ADGRD1: variants seen among roughly 807,000 people sequenced by gnomAD.
ADGRD1 encodes the protein G-protein coupled receptor 133.
A neutral mutation model predicts 113.4 loss-of-function variants in ADGRD1; 77 were observed. That is an observed-to-expected ratio of 0.68 (90% confidence interval 0.57 to 0.82). The LOEUF (loss-of-function observed/expected upper bound fraction) is 0.82. Among genes scored for constraint, ADGRD1 ranks in the 40% least tolerant of loss-of-function variants. The pLI is 0.00. For synonymous variants in ADGRD1, 474 were observed against 475.0 expected, an observed-to-expected ratio of 1.00 and a Z score of 0.03; for missense variants, 1,036 against 1,139.1, an observed-to-expected ratio of 0.91 and a Z score of 1.30.
intron 2 of ADGRD1, among the ~76,000 whole-genome samples, chr12:130,958,261 G>A (rs819119): frequency 0.46 from 67,093 of 145,624 alleles, 15,422 homozygotes; most frequent in Middle Eastern, 0.62. Context: ...GTGCAATGGC[G>A]TGATCTCAGC....
At chr12:131,131,686 C>A in intron 20 of ADGRD1, 39 bp from the exon 21 acceptor site, 1 of 1,433,828 alleles carries the variant, frequency 7.0e-7, no homozygotes, top group Non-Finnish European at 9.8e-7. Context: ...CAGGTGCAGC[C>A]CAGGCCCCCC....
chr12:130,958,821 C>T (rs1159105705), intron 2 of ADGRD1, among the ~76,000 whole-genome samples: 10 of 146,948 alleles, frequency 6.8e-5, no homozygotes, highest in Non-Finnish European at 1.2e-4. Flanking sequence ...CTATGAAAAG[C>T]GGCCAGTTTG....
chr12:130,972,189 T>C (rs1477011533), intron 4 of ADGRD1, among the ~76,000 whole-genome samples: 2 of 152,236 alleles, frequency 1.3e-5, no homozygotes, highest in Admixed American at 6.5e-5. Context: ...CTCTCGTATC[T>C]AGGCTTCAGG....
intron 13 of ADGRD1, among the ~76,000 whole-genome samples, chr12:131,021,799 C>T (rs948020826): frequency 2.0e-5 from 3 of 152,152 alleles, no homozygotes; most frequent in Admixed American, 1.3e-4. Flanking sequence ...CCCTGATCGC[C>T]GGGCTCAAAC....
chr12:130,958,294 G>A (rs61936890), intron 2 of ADGRD1, among the ~76,000 whole-genome samples: 32,945 of 150,698 alleles, frequency 0.22, 4,061 homozygotes, highest in East Asian at 0.52. Context: ...CTGCCCCCTG[G>A]GTTCTAGTGA....
intron 4 of ADGRD1, chr12:130,977,536 T>C (rs7958004): frequency 0.83 from 126,295 of 152,360 alleles, 53,280 homozygotes; most frequent in East Asian, 0.95. Context: ...TTGGGAAACG[T>C]GGTGGGCCAC....
chr12:131,087,971 G>A (rs566380008), intron 15 of ADGRD1, among the ~76,000 whole-genome samples: 10 of 152,322 alleles, frequency 6.6e-5, no homozygotes, highest in East Asian at 1.9e-4. Flanking sequence ...CTCTGCGGAC[G>A]GCCGTGACGC....
intron 2 of ADGRD1, among the ~76,000 whole-genome samples, chr12:130,963,181 G>A (rs374853144): frequency 1.7e-4 from 26 of 152,078 alleles, no homozygotes; most frequent in South Asian, 1.5e-3. Flanking sequence ...TTAGCCAGGC[G>A]TGGTGGCGGG....
chr12:131,084,214 A>G lies in ADGRD1; in HGVS notation c.1548-326A>G, dbSNP rs980073408. On this transcript the variant is annotated intron_variant, in intron 14 of 24. Transcript: ENST00000261654. This position sits in a 1 kb window ranked among gnomAD's most constrained non-coding sequence, Gnocchi z 4.5. Reference sequence around the variant, plus strand: ...TTCTCTAGGCGCAGGGCTGTGGGCCATGTGCGTTTCATTTTGTGCTGGGCT... The same window carrying G: ...TTCTCTAGGCGCAGGGCTGTGGGCCGTGTGCGTTTCATTTTGTGCTGGGCT... Among the ~76,000 whole-genome samples, 1 of 152,114 alleles carries G rather than the reference A, an allele frequency of 6.6e-6. No individual in the cohort carries two copies. The highest frequency in any genetic ancestry group is 1.5e-5 in the Non-Finnish European group (1 of 68,018).
intron 13 of ADGRD1, among the ~76,000 whole-genome samples, chr12:131,073,602 T>C (rs1885346325): frequency 6.6e-6 from 1 of 152,236 alleles, no homozygotes; most frequent in Non-Finnish European, 1.5e-5. Context: ...ACCTAGTCCA[T>C]TTTCTGTTGT....
chr12:131,045,883 T>C (rs7980294), intron 13 of ADGRD1, among the ~76,000 whole-genome samples: 56,661 of 151,474 alleles, frequency 0.37, 11,589 homozygotes, highest in South Asian at 0.49. Context: ...CTTGTCCATA[T>C]CCTTCCTGGT....
intron 13 of ADGRD1, among the ~76,000 whole-genome samples, chr12:131,066,103 A>G (rs1884699027): frequency 6.6e-6 from 1 of 152,152 alleles, no homozygotes; most frequent in Non-Finnish European, 1.5e-5. Flanking sequence ...ACTGGAAGCA[A>G]ATTTGTGGGG....
At chr12:131,079,798 A>G (rs1004217831) in intron 14 of ADGRD1, among the ~76,000 whole-genome samples, 2 of 152,150 alleles carry the variant, frequency 1.3e-5, no homozygotes, top group African/African-American at 4.8e-5. Flanking sequence ...AGCCTTTTTC[A>G]TGCCTGAAGG....
At chr12:131,121,539 C>T (rs1263951055) in intron 20 of ADGRD1, among the ~76,000 whole-genome samples, 2 of 152,178 alleles carry the variant, frequency 1.3e-5, no homozygotes, top group Non-Finnish European at 2.9e-5. Context: ...CGCCACCACG[C>T]CCAGCTAATT....
chr12:131,027,865 T>A lies in ADGRD1; in HGVS notation c.1473+13525T>A, dbSNP rs1295571177. The A allele has an allele frequency of 1.3e-5, 2 of 152,176 alleles. No homozygotes were observed. The highest frequency in any genetic ancestry group is 4.8e-5 in the African/African-American group (2 of 41,426). 9.4% of individuals were successfully genotyped at this position (152,176 alleles called of 1,614,324 possible). A position where few individuals can be genotyped will look rare whatever the true frequency, so the allele number is the denominator to read the frequency against. ...GCGAACATACCCAAGAAATCACCCC[T>A]CAGGTCAAGAAGCAGCACACGGCCA... On this transcript the variant is annotated intron_variant, in intron 13 of 24. Coordinates refer to ENST00000261654, the MANE Select transcript of ADGRD1 (RefSeq NM_198827.5). The surrounding 1 kb of genome is among the most constrained non-coding windows in gnomAD (Gnocchi z 5.1).
At chr12:131,089,938 C>G (rs141016144) in intron 15 of ADGRD1, among the ~76,000 whole-genome samples, 6 of 152,360 alleles carry the variant, frequency 3.9e-5, no homozygotes, top group African/African-American at 1.4e-4. Flanking sequence ...GAACTAAAGC[C>G]CAGTGTGACT....
Position 130,968,751 on chromosome 12 carries a change from G to A in ADGRD1, c.187+2205G>A, listed in dbSNP as rs764427029. Reference sequence around the variant, plus strand: ...TGCGGCCAAATTCAGCAGCCATCACGCCCTGGTGTGGGAACTGAGTGGGGC... The same window carrying A: ...TGCGGCCAAATTCAGCAGCCATCACACCCTGGTGTGGGAACTGAGTGGGGC... On this transcript the variant is annotated intron_variant, in intron 3 of 24. Coordinates refer to ENST00000261654, the MANE Select transcript of ADGRD1 (RefSeq NM_198827.5). The A allele has an allele frequency of 3.3e-5, 18 of 539,330 alleles. No individual in the cohort carries two copies. In the Admixed American group the frequency reaches 3.5e-4, roughly 11 times the overall value. The allele number at this position is 539,330 out of a possible 1,614,324, so 33.4% of individuals were successfully genotyped here. A position where few individuals can be genotyped will look rare whatever the true frequency, so the allele number is the denominator to read the frequency against.
intron 15 of ADGRD1, among the ~76,000 whole-genome samples, chr12:131,103,672 T>G (rs1950151949): frequency 6.6e-6 from 1 of 152,232 alleles, no homozygotes; most frequent in South Asian, 2.1e-4. Context: ...CTTTTGTTCC[T>G]TTGTCCTGGT....
At position 131,027,790 on chromosome 12, in the gene ADGRD1, G is replaced by C. The variant is rs1340466981; in HGVS notation, c.1473+13450G>C. The C allele has an allele frequency of 1.3e-5, 2 of 152,154 alleles. No homozygotes were observed. The highest frequency in any genetic ancestry group is 1.3e-4 in the Admixed American group (2 of 15,280). The allele number at this position is 152,154 out of a possible 1,614,324, so 9.4% of individuals were successfully genotyped here. On this transcript the variant is annotated intron_variant, in intron 13 of 24. Coordinates refer to ENST00000261654, the MANE Select transcript of ADGRD1 (RefSeq NM_198827.5). The surrounding 1 kb of genome is among the most constrained non-coding windows in gnomAD (Gnocchi z 5.1). ...CAAACGTGTTATTGGAGTATAACAT[G>C]CCTGCAGAAAAGCACGTATATGTGT...
Sources: gnomAD v4.1 joint callset for allele counts (sites outside exome capture counted in the v4.1 genomes callset) on GRCh38, gnomAD v4.1.1 for gene constraint, Gnocchi (gnomAD v3.1) non-coding constraint, MANE v1.5 for transcripts, NCBI Gene and HGNC (gene_info 2026-07-23, HGNC 2026-07-21) for gene names.